SARDH: variants seen among roughly 807,000 people sequenced by gnomAD.
SARDH encodes the protein sarcosine dehydrogenase.
A neutral mutation model predicts 109.1 loss-of-function variants in SARDH; 95 were observed. The observed-to-expected ratio is 0.87, with a 90% CI of 0.74 to 1.03. The LOEUF is 1.03. Ranked by LOEUF, SARDH falls within the 50% of genes least tolerant of loss-of-function variation. SARDH has a pLI of 0.00. For missense variants in SARDH, 1,267 were observed against 1,287.8 expected (o/e 0.98, Z 0.25); for synonymous variants, 572 against 534.8 (o/e 1.07, Z -0.96).
chr9:133,704,205 C>T lies in SARDH; in HGVS notation c.1554+743G>A, dbSNP rs1291298580. On this transcript the variant is annotated intron_variant, in intron 12 of 20. Transcript: ENST00000439388. This position sits in a 1 kb window ranked among gnomAD's most constrained non-coding sequence, Gnocchi z 4.5. ...TGGCTCTCATCTCCCCTCCCGATGC[C>T]CTGGAGCTCTGGAGCCTGGCCTGGG... 1.3e-5 allele frequency among the ~76,000 whole-genome samples: 2 copies of T among 152,148 alleles called. No homozygotes were observed. Among genetic ancestry groups the T allele is most frequent in the Admixed American group, 1.3e-4 (2 of 15,284 alleles).
At chr9:133,732,321 A>C (rs1832713217) in intron 3 of SARDH, 102 bp downstream of exon 3, 301 of 435,472 alleles carry the variant, frequency 6.9e-4, no homozygotes, top group East Asian at 1.3e-3. Context: ...CAGGGAGCCC[A>C]CCCTACCCCC....
intron 5 of SARDH, 25 bp downstream of exon 5, chr9:133,730,039 G>A: frequency 1.2e-6 from 2 of 1,613,504 alleles, no homozygotes; most frequent in Non-Finnish European, 1.7e-6. Flanking sequence ...GGCCACACAG[G>A]AGTCAGGAGA....
intron 17 of SARDH, among the ~76,000 whole-genome samples, chr9:133,684,667 G>C (rs756054458): frequency 2.0e-5 from 3 of 152,190 alleles, no homozygotes; most frequent in Non-Finnish European, 4.4e-5. Flanking sequence ...CTGGCCCCCA[G>C]GATACAGGCT....
intron 3 of SARDH, 103 bp from the exon 4 acceptor site, chr9:133,731,587 T>C: frequency 8.2e-7 from 1 of 1,217,808 alleles, no homozygotes. Context: ...CCTCACTTTC[T>C]CCCAGAAGCC....
At position 133,718,512 on chromosome 9, in the gene SARDH, A is replaced by G. The variant is rs1205629257; in HGVS notation, c.1020+426T>C. The G allele has an allele frequency of 1.7e-6, 1 of 590,558 alleles. No homozygotes were observed. Among genetic ancestry groups the G allele is most frequent in the African/African-American group, 1.8e-5 (1 of 54,476 alleles). The allele number at this position is 590,558 out of a possible 1,614,324, so 36.6% of individuals were successfully genotyped here. ...CACTCAGTCGTTCCATGTGTGGACT[A>G]AATGCATATACACATAGAACAGGGC... is the stretch of plus-strand genomic sequence containing the variant. On this transcript the variant is annotated intron_variant, in intron 7 of 20. Coordinates refer to ENST00000439388, the MANE Select transcript of SARDH (RefSeq NM_001134707.2). The surrounding 1 kb of genome is among the most constrained non-coding windows in gnomAD (Gnocchi z 4.2).
chr9:133,687,755 A>C (rs1438047259), intron 16 of SARDH, among the ~76,000 whole-genome samples: 1 of 152,144 alleles, frequency 6.6e-6, no homozygotes, highest in East Asian at 1.9e-4. Context: ...CACAGCCCCT[A>C]CTCCATTGTC....
chr9:133,724,136 A>G (rs1414821844), intron 6 of SARDH, among the ~76,000 whole-genome samples: 1 of 152,200 alleles, frequency 6.6e-6, no homozygotes, highest in Non-Finnish European at 1.5e-5. Flanking sequence ...GCTACAAACC[A>G]TACCATAAAA....
rs751158777 is a variant in SARDH, at chr9:133,717,332, C to T, written c.1144G>A (p.Gly382Ser). Residue 382 changes from glycine to serine, a missense_variant, in exon 8 of 21, where the codon GGC becomes AGC. By Grantham distance (56) the Gly-to-Ser change is moderately conservative (BLOSUM62 0). Coordinates refer to ENST00000439388, the MANE Select transcript of SARDH (RefSeq NM_001134707.2). ...EKTGIKSTVC[G>S]PESFTPDHKP... Reference sequence around the variant, plus strand: ...CTCCGAGGCTGTCACTCACCAGGGCCGCAGACCGTGGACTTGATTCCTGTC... The same window carrying T: ...CTCCGAGGCTGTCACTCACCAGGGCTGCAGACCGTGGACTTGATTCCTGTC... 4.2e-5 allele frequency: 68 copies of T among 1,613,982 alleles called. No individual in the cohort carries two copies. In the Middle Eastern group the frequency reaches 5.0e-4, roughly 12 times the overall value.
intron 17 of SARDH, among the ~76,000 whole-genome samples, chr9:133,679,548 G>C (rs1321814038): frequency 1.3e-5 from 2 of 152,232 alleles, no homozygotes; most frequent in African/African-American, 4.8e-5. Flanking sequence ...GGGGCCCTGG[G>C]AACACCGTGT....
At chr9:133,706,258 A>C (rs944963177) in intron 11 of SARDH, among the ~76,000 whole-genome samples, 1 of 151,680 alleles carries the variant, frequency 6.6e-6, no homozygotes, top group Non-Finnish European at 1.5e-5. Flanking sequence ...TGCATACACC[A>C]TGGAATATTA....
intron 2 of SARDH, 104 bp downstream of exon 2, chr9:133,733,739 C>T: frequency 8.5e-7 from 1 of 1,174,622 alleles, no homozygotes; most frequent in South Asian, 2.1e-5. Flanking sequence ...GGTCTCTTCC[C>T]CAGGCTGGTT....
chr9:133,669,843 G>A (rs1830273645), intron 19 of SARDH, among the ~76,000 whole-genome samples: 1 of 152,248 alleles, frequency 6.6e-6, no homozygotes. Context: ...GTGTTGCAGT[G>A]ACTGGGAGGT....
chr9:133,699,507 AAATAAT>A (rs374249778), intron 13 of SARDH, among the ~76,000 whole-genome samples: 9 of 151,674 alleles, frequency 5.9e-5, no homozygotes, highest in Admixed American at 4.6e-4. Flanking sequence ...ACCCTGTCTC[AAATAAT>A]AATAATAATA....
In SARDH at chr9:133,666,624, A is replaced by G; in HGVS notation, c.2631+111T>C. ...CTTCCCTCCTCCTCTTCTGGACCAC[A>G]CCCGTGCCTCCTCCCTATGCCCGGC... On this transcript the variant is annotated intron_variant, in intron 20 of 20. Transcript: ENST00000439388. This position sits in a 1 kb window ranked among gnomAD's most constrained non-coding sequence, Gnocchi z 5.2. 3.6e-6 allele frequency: 5 copies of G among 1,393,066 alleles called. No homozygotes were observed. Among genetic ancestry groups the G allele is most frequent in the Non-Finnish European group, 4.8e-6 (5 of 1,032,012 alleles). The allele number at this position is 1,393,066 out of a possible 1,614,324, so 86.3% of individuals were successfully genotyped here.
At chr9:133,735,447 T>G (rs1832851290) in intron 1 of SARDH, among the ~76,000 whole-genome samples, 1 of 152,212 alleles carries the variant, frequency 6.6e-6, no homozygotes, top group Non-Finnish European at 1.5e-5. Flanking sequence ...GGAGCCCTCC[T>G]TCTCAGGAGA....
chr9:133,681,470 C>A (rs1830692334), intron 17 of SARDH, among the ~76,000 whole-genome samples: 2 of 152,222 alleles, frequency 1.3e-5, no homozygotes, highest in Non-Finnish European at 2.9e-5. Flanking sequence ...CCTAGGACCT[C>A]TTTCCAGTAC....
intron 16 of SARDH, among the ~76,000 whole-genome samples, chr9:133,689,837 C>T (rs755869294): frequency 1.3e-4 from 20 of 152,202 alleles, no homozygotes; most frequent in Non-Finnish European, 2.6e-4. Flanking sequence ...TCTTCTGTGG[C>T]TGTGTGCATG....
chr9:133,732,108 C>G (rs1832705328), intron 3 of SARDH, among the ~76,000 whole-genome samples: 1 of 152,170 alleles, frequency 6.6e-6, no homozygotes. Context: ...AGGGGCAGCG[C>G]AAGGGCTGGA....
chr9:133,729,100 T>C (rs1832586423), intron 6 of SARDH, among the ~76,000 whole-genome samples: 2 of 151,442 alleles, frequency 1.3e-5, no homozygotes, highest in Admixed American at 6.6e-5. Context: ...CATGGATAGA[T>C]ACGGGAGTAG....
Sources: gnomAD v4.1 joint callset for allele counts (sites outside exome capture counted in the v4.1 genomes callset) on GRCh38, gnomAD v4.1.1 for gene constraint, Gnocchi (gnomAD v3.1) non-coding constraint, MANE v1.5 for transcripts, NCBI Gene and HGNC (gene_info 2026-07-23, HGNC 2026-07-21) for gene names.